Variants in TMEM135 observed in about 807,000 individuals in gnomAD.
TMEM135 encodes transmembrane protein 135, also known as peroxisomal membrane protein 52.
Under a neutral mutation model 60.3 loss-of-function variants are expected in TMEM135, and 30 were observed. The ratio of observed to expected loss-of-function variants is 0.50; its 90% CI spans 0.37 to 0.68. The LOEUF (loss-of-function observed/expected upper bound fraction) is 0.68. TMEM135 is among the 30% of genes least tolerant of loss of function. The pLI is 0.00. For missense variants in TMEM135, 468 were observed against 548.8 expected (o/e 0.85, Z 1.47); for synonymous variants, 190 against 186.7 (o/e 1.02, Z -0.14).
At chr11:87,295,671 T>A in intron 6 of TMEM135, 111 bp from the exon 7 acceptor site, 2 of 843,662 alleles carry the variant, frequency 2.4e-6, no homozygotes, top group Non-Finnish European at 3.8e-6. Context: ...AATGTTCAGA[T>A]TTTTGCCTTA....
Position 87,230,781 on chromosome 11 carries a change from A to G in TMEM135, c.463-5857A>G, listed in dbSNP as rs1940873442. On this transcript the variant is annotated intron_variant, in intron 5 of 14. Coordinates refer to ENST00000305494, the MANE Select transcript of TMEM135 (RefSeq NM_022918.4). ...ATCTGTCCTGTCTGTTATGGTATCC[A>G]CTACCACATATGGCTTTTGATTACT... Among the ~76,000 whole-genome samples, 3 of 152,066 alleles carry G rather than the reference A, an allele frequency of 2.0e-5. No individual in the cohort carries two copies. In the South Asian group the frequency reaches 6.2e-4, roughly 32 times the overall value.
intron 3 of TMEM135, among the ~76,000 whole-genome samples, chr11:87,085,925 C>G (rs1050925240): frequency 9.2e-5 from 14 of 152,118 alleles, no homozygotes; most frequent in African/African-American, 3.4e-4. Flanking sequence ...TTCTCTGATT[C>G]TTGGTCTTCA....
At chr11:87,053,021 G>T (rs1949852848) in intron 1 of TMEM135, among the ~76,000 whole-genome samples, 1 of 127,400 alleles carries the variant, frequency 7.8e-6, no homozygotes, top group Non-Finnish European at 1.6e-5. Context: ...GTAGGGACAT[G>T]GATGAAATTG....
chr11:87,269,614 C>T (rs112349294), intron 6 of TMEM135, among the ~76,000 whole-genome samples: 15 of 150,970 alleles, frequency 9.9e-5, no homozygotes, highest in African/African-American at 2.2e-4. Flanking sequence ...TTTGTCCTTG[C>T]GATAGTTTAT....
At chr11:87,043,673 A>C (rs1949770258) in intron 1 of TMEM135, among the ~76,000 whole-genome samples, 1 of 152,072 alleles carries the variant, frequency 6.6e-6, no homozygotes. Flanking sequence ...TACTGAGCAG[A>C]GATCACGCCA....
At chr11:87,178,368 TGAAAA>T in intron 5 of TMEM135, 1 of 454,874 alleles carries the variant, frequency 2.2e-6, no homozygotes, top group Non-Finnish European at 4.4e-6. Context: ...TCTCTTTTTC[TGAAAA>T]TTTTATATAC....
chr11:87,246,550 T>C lies in TMEM135; in HGVS notation c.509+9866T>C, dbSNP rs1349039521. Among the ~76,000 whole-genome samples the C allele has an allele frequency of 2.0e-5, 3 of 152,164 alleles. No individual in the cohort carries two copies. In the East Asian group the frequency reaches 5.8e-4, roughly 29 times the overall value. On this transcript the variant is annotated intron_variant, in intron 6 of 14. Coordinates refer to ENST00000305494, the MANE Select transcript of TMEM135 (RefSeq NM_022918.4). Reference sequence around the variant, plus strand: ...ATATTTCTTGGAGGCTTTGTTCGTTTCTTTGTGTTCTTTTTTCTCTAAACT... The same window carrying C: ...ATATTTCTTGGAGGCTTTGTTCGTTCCTTTGTGTTCTTTTTTCTCTAAACT...
chr11:87,258,066 A>C (rs963752406), intron 6 of TMEM135, among the ~76,000 whole-genome samples: 1 of 152,104 alleles, frequency 6.6e-6, no homozygotes, highest in Non-Finnish European at 1.5e-5. Context: ...AGTCTTTAGA[A>C]ATATAATCAG....
chr11:87,066,735 G>A (rs1248911612), intron 1 of TMEM135, among the ~76,000 whole-genome samples: 3 of 149,692 alleles, frequency 2.0e-5, no homozygotes, highest in African/African-American at 4.9e-5. Flanking sequence ...TCGTGTTTCT[G>A]TGTTCTGGTC....
rs753259854 is a variant in TMEM135, at chr11:87,038,035, T to C, written c.-11T>C. The C allele has an allele frequency of 3.1e-6, 5 of 1,613,884 alleles. No homozygotes were observed. In the South Asian group the frequency reaches 4.4e-5, roughly 14 times the overall value. On this transcript the variant is annotated 5_prime_UTR_variant, in exon 1 of 15. Coordinates refer to ENST00000305494, the MANE Select transcript of TMEM135 (RefSeq NM_022918.4). Reference sequence around the variant, plus strand: ...TCTCCCCCTCCTGTCTTCTCCGCGCTGTTCCTCGTCATGGCGGCCCTCAGC... The same window carrying C: ...TCTCCCCCTCCTGTCTTCTCCGCGCCGTTCCTCGTCATGGCGGCCCTCAGC...
chr11:87,318,324 A>G, intron 13 of TMEM135, 89 bp downstream of exon 13: 1 of 978,730 alleles, frequency 1.0e-6, no homozygotes. Flanking sequence ...CTCTGGGAAC[A>G]TTTCTATTTA....
intron 4 of TMEM135, among the ~76,000 whole-genome samples, chr11:87,109,225 C>G (rs573249923): frequency 2.0e-5 from 3 of 152,250 alleles, no homozygotes; most frequent in Admixed American, 6.5e-5. Flanking sequence ...CCTTTATCTG[C>G]CGCTAAATAC....
intron 3 of TMEM135, among the ~76,000 whole-genome samples, chr11:87,078,269 T>C (rs1388302853): frequency 1.3e-5 from 2 of 152,206 alleles, no homozygotes; most frequent in East Asian, 3.8e-4. Context: ...CTGATGATAG[T>C]CATTGTAGTG....
chr11:87,209,393 C>G (rs1406210261), intron 5 of TMEM135, among the ~76,000 whole-genome samples: 3 of 152,064 alleles, frequency 2.0e-5, no homozygotes, highest in African/African-American at 7.2e-5. Context: ...GCTGGGGTAG[C>G]TATTCTTATA....
At chr11:87,269,679 G>A (rs301599) in intron 6 of TMEM135, among the ~76,000 whole-genome samples, 75,095 of 148,456 alleles carry the variant, frequency 0.51, 19,339 homozygotes, top group African/African-American at 0.54. Flanking sequence ...TGAACTCATC[G>A]TTTTTTATGG....
At position 87,125,105 on chromosome 11, in the gene TMEM135, C is replaced by T. The variant is rs1937687908; in HGVS notation, c.397-32236C>T. Among the ~76,000 whole-genome samples the T allele has an allele frequency of 2.0e-5, 3 of 152,076 alleles. No individual in the cohort carries two copies. In the South Asian group the frequency reaches 6.2e-4, roughly 32 times the overall value. On this transcript the variant is annotated intron_variant, in intron 4 of 14. Transcript: ENST00000305494. ...TCTCTGAGCCATCAAAGTGTCCTTC[C>T]CTTTAATTCCTATTTTTATCTCAAG... is the stretch of plus-strand genomic sequence containing the variant.
In TMEM135 at chr11:87,288,022, A is replaced by T. The variant is rs117102299; in HGVS notation, c.510-7760A>T. 5.4e-3 allele frequency among the ~76,000 whole-genome samples: 816 copies of T among 152,254 alleles called. 5 individuals carry two copies. Among genetic ancestry groups the T allele is most frequent in the Middle Eastern group, 0.031 (9 of 294 alleles). On this transcript the variant is annotated intron_variant, in intron 6 of 14. Transcript: ENST00000305494. ...ATGCTTATTGTAAAAATTTAAAGTG[A>T]TGTAGCCCCATAGAAAGTAAAAAGT...
intron 5 of TMEM135, among the ~76,000 whole-genome samples, chr11:87,194,841 G>T (rs951035442): frequency 6.6e-6 from 1 of 152,024 alleles, no homozygotes; most frequent in Non-Finnish European, 1.5e-5. Flanking sequence ...GAAATTATAG[G>T]TATCTTGCTA....
chr11:87,261,852 T>C (rs1458858148), intron 6 of TMEM135, among the ~76,000 whole-genome samples: 1 of 152,146 alleles, frequency 6.6e-6, no homozygotes, highest in Non-Finnish European at 1.5e-5. Flanking sequence ...CTAGAACTCT[T>C]GGGTTCAAGG....
Sources: gnomAD v4.1 joint callset for allele counts (sites outside exome capture counted in the v4.1 genomes callset) on GRCh38, gnomAD v4.1.1 for gene constraint, MANE v1.5 for transcripts, NCBI Gene and HGNC (gene_info 2026-07-23, HGNC 2026-07-21) for gene names.